Variants in ADGRV1 observed in about 807,000 individuals in gnomAD.
The protein encoded by ADGRV1 is adhesion G protein-coupled receptor V1.
ADGRV1 carries 359 observed loss-of-function variants against 596.2 expected under a neutral mutation model. That is an observed-to-expected ratio of 0.60 (90% CI 0.55 to 0.66). The LOEUF is 0.66. Ranked by LOEUF, ADGRV1 falls within the 30% of genes least tolerant of loss-of-function variation. The probability of loss-of-function intolerance (pLI) is 0.00; values close to 1 mark genes in which losing one functional copy is unlikely to be tolerated. For synonymous variants in ADGRV1, 2,681 were observed against 2,679.2 expected, an observed-to-expected ratio of 1.00 and a Z score of -0.02; for missense variants, 7,274 against 7,575.6, an observed-to-expected ratio of 0.96 and a Z score of 1.48.
chr5:90,797,691 G>A (rs1012051940), intron 70 of ADGRV1, among the ~76,000 whole-genome samples: 9 of 151,968 alleles, frequency 5.9e-5, no homozygotes, highest in East Asian at 1.9e-4. Flanking sequence ...TCAGCACCTC[G>A]TCGCACTTAT....
chr5:90,895,771 G>A (rs1050839458), intron 83 of ADGRV1, among the ~76,000 whole-genome samples: 19 of 152,150 alleles, frequency 1.2e-4, no homozygotes, highest in Non-Finnish European at 2.4e-4. Flanking sequence ...TCCAGTTTGG[G>A]AGATACAGTG....
chr5:91,043,851 T>G (rs2151284740), intron 85 of ADGRV1, among the ~76,000 whole-genome samples: 1 of 152,070 alleles, frequency 6.6e-6, no homozygotes, highest in South Asian at 2.1e-4. Flanking sequence ...CCTGGTCATC[T>G]TTTTCACTGT....
intron 34 of ADGRV1, among the ~76,000 whole-genome samples, chr5:90,698,874 C>CGTAATCAGTGAGTAATCA: frequency 6.6e-6 from 1 of 152,060 alleles, no homozygotes; most frequent in Non-Finnish European, 1.5e-5. Flanking sequence ...CTGATTACTC[C>CGTAATCAGTGAGTAATCA]GTAATCAGTG....
intron 9 of ADGRV1, among the ~76,000 whole-genome samples, chr5:90,632,361 T>C (rs998199136): frequency 2.6e-5 from 4 of 152,310 alleles, no homozygotes; most frequent in South Asian, 4.1e-4. Context: ...AAATGTTGTT[T>C]TGGAGTTACA....
chr5:90,617,661 T>C (rs1763540964), intron 2 of ADGRV1, 143 bp from the exon 3 acceptor site: 1 of 636,754 alleles, frequency 1.6e-6, no homozygotes, highest in Non-Finnish European at 2.6e-6. Context: ...TAAATATTTA[T>C]GATTTTTGTT....
intron 7 of ADGRV1, 89 bp from the exon 8 acceptor site, chr5:90,628,473 T>G (rs1765086757): frequency 2.8e-6 from 3 of 1,060,486 alleles, no homozygotes; most frequent in Non-Finnish European, 4.3e-6. Context: ...TTTATCAGTG[T>G]CTAATGGACA....
chr5:90,769,605 C>T (rs1757482001), intron 59 of ADGRV1, among the ~76,000 whole-genome samples: 2 of 152,218 alleles, frequency 1.3e-5, no homozygotes, highest in Middle Eastern at 3.4e-3. Flanking sequence ...AAATTTTCTG[C>T]AGTTTGAATT....
intron 85 of ADGRV1, among the ~76,000 whole-genome samples, chr5:91,003,973 A>G (rs1403696899): frequency 2.6e-5 from 4 of 152,176 alleles, no homozygotes; most frequent in Non-Finnish European, 2.9e-5. Flanking sequence ...TGAAATGGTA[A>G]CTGTAGGAAA....
In ADGRV1 at chr5:90,778,618, T is replaced by C; in HGVS notation, c.12849+9T>C. The C allele has an allele frequency of 2.0e-6, 3 of 1,532,850 alleles. No individual in the cohort carries two copies. The highest frequency in any genetic ancestry group is 1.8e-6 in the Non-Finnish European group (2 of 1,142,624). The allele number at this position is 1,532,850 out of a possible 1,614,324, so 95.0% of individuals were successfully genotyped here. ...TGTCAGAAGCACAGAGGGTATAGTA[T>C]GAAATGCTTAAGATTTTAATATCAT... On this transcript the variant is annotated intron_variant, in intron 63 of 89. Coordinates refer to ENST00000405460, the MANE Select transcript of ADGRV1 (RefSeq NM_032119.4).
Position 90,712,365 on chromosome 5 carries a change from GA to G in ADGRV1, c.9126del (p.Lys3042AsnfsTer4). Reference protein sequence around the residue: ...ILDDDIPEGDEKFQLILTNPS... With the variant: ...ILDDDIPEGDXKFQLILTNPS... Reference sequence around the variant, plus strand: ...TGATGATGACATTCCAGAAGGAGATGAAAAATTTCAGCTGATTTTAACAAAT... The same window carrying G: ...TGATGATGACATTCCAGAAGGAGATGAAAATTTCAGCTGATTTTAACAAAT... On this transcript the variant is annotated frameshift_variant, in exon 42 of 90. Coordinates refer to ENST00000405460, the MANE Select transcript of ADGRV1 (RefSeq NM_032119.4). LOFTEE classifies it high-confidence loss of function. The G allele has an allele frequency of 2.5e-6, 4 of 1,579,344 alleles. No homozygotes were observed. The highest frequency in any genetic ancestry group is 1.7e-6 in the Non-Finnish European group (2 of 1,158,390).
At chr5:91,114,954 C>G (rs547448694) in intron 87 of ADGRV1, among the ~76,000 whole-genome samples, 1 of 152,282 alleles carries the variant, frequency 6.6e-6, no homozygotes, top group East Asian at 1.9e-4. Flanking sequence ...CTGCAAATCC[C>G]AGGCTGCAAT....
chr5:90,955,380 A>G (rs943860858), intron 83 of ADGRV1, among the ~76,000 whole-genome samples: 1 of 152,144 alleles, frequency 6.6e-6, no homozygotes, highest in Non-Finnish European at 1.5e-5. Context: ...TTTATTGTCT[A>G]TACTTCTGGC....
rs552178627 is a variant in ADGRV1 at position 90,853,144 on chromosome 5, T to C, written c.17205-140T>C. ...CCACAAAAGAACTGAAGGCACATTC[T>C]ATTTACTGCTTCTGGGTTTGTTGTG... On this transcript the variant is annotated intron_variant, in intron 79 of 89. Transcript: ENST00000405460. 230 of 755,790 alleles carry C rather than the reference T, an allele frequency of 3.0e-4. 4 individuals carry two copies. The East Asian group carries it at 5.9e-3, about 19-fold the overall frequency. 46.8% of individuals were successfully genotyped at this position (755,790 alleles called of 1,614,324 possible).
intron 85 of ADGRV1, among the ~76,000 whole-genome samples, chr5:91,000,087 T>C (rs1224942263): frequency 6.6e-6 from 1 of 152,152 alleles, no homozygotes; most frequent in African/African-American, 2.4e-5. Flanking sequence ...ATCAGAGGTA[T>C]CCTCATCATT....
intron 83 of ADGRV1, among the ~76,000 whole-genome samples, chr5:90,871,982 GA>G (rs2150500651): frequency 6.6e-6 from 1 of 152,300 alleles, no homozygotes; most frequent in East Asian, 1.9e-4. Context: ...TTCAGAAGAG[GA>G]GGGCAAGGAG....
intron 85 of ADGRV1, among the ~76,000 whole-genome samples, chr5:91,035,861 T>TATAAAATATATATATATATATAATA: frequency 1.0e-5 from 1 of 96,402 alleles, no homozygotes; most frequent in African/African-American, 3.8e-5. Flanking sequence ...TATATATATA[T>TATAAAATATATATATATATATAATA]TATATATATA....
chr5:90,697,916 G>A (rs1216308131), intron 34 of ADGRV1, among the ~76,000 whole-genome samples: 1 of 152,086 alleles, frequency 6.6e-6, no homozygotes. Flanking sequence ...TTGTGTACTT[G>A]GACATCTATT....
At chr5:91,086,214 A>AT (rs2126542606) in intron 86 of ADGRV1, among the ~76,000 whole-genome samples, 1 of 152,280 alleles carries the variant, frequency 6.6e-6, no homozygotes, top group South Asian at 2.1e-4. Context: ...CATAGTGATA[A>AT]TTTTCAGATC....
At chr5:91,045,248 C>T (rs773802832) in intron 85 of ADGRV1, among the ~76,000 whole-genome samples, 8 of 152,112 alleles carry the variant, frequency 5.3e-5, no homozygotes, top group South Asian at 2.1e-4. Flanking sequence ...AAGAAGACTA[C>T]GGACCAATAT....
Sources: allele counts gnomAD v4.1 joint callset (sites outside exome capture counted in the v4.1 genomes callset), GRCh38; gene constraint gnomAD v4.1.1; transcripts MANE v1.5; gene names NCBI Gene and HGNC (gene_info 2026-07-23, HGNC 2026-07-21).